PRKCH: variants seen among roughly 807,000 people sequenced by gnomAD.
PRKCH encodes protein kinase C eta type.
In PRKCH, 28 loss-of-function variants were observed where a neutral mutation model predicts 82.5. The ratio of observed to expected loss-of-function variants is 0.34; its 90% CI spans 0.25 to 0.47. The LOEUF (loss-of-function observed/expected upper bound fraction) is 0.47, where lower values mean the gene tolerates loss of function less well. PRKCH is among the 20% of genes least tolerant of loss of function. The probability of loss-of-function intolerance (pLI) is 1.00; values close to 1 mark genes in which losing one functional copy is unlikely to be tolerated. For missense variants in PRKCH, 705 were observed against 881.8 expected (o/e 0.80, Z 2.54); for synonymous variants, 322 against 327.4 (o/e 0.98, Z 0.18).
chr14:61,228,700 A>G (rs1481175037), intron 1 of PRKCH, among the ~76,000 whole-genome samples: 4 of 152,078 alleles, frequency 2.6e-5, no homozygotes, highest in Non-Finnish European at 4.4e-5. Flanking sequence ...TCCTAAGGAA[A>G]GCAGTTCGGG....
At chr14:61,438,022 G>T (rs1444910382) in intron 2 of PRKCH, among the ~76,000 whole-genome samples, 1 of 152,080 alleles carries the variant, frequency 6.6e-6, no homozygotes, top group African/African-American at 2.4e-5. Context: ...TACCTGTCGG[G>T]TACTTCTCTA....
At chr14:61,385,297 G>A (rs1023316126) in intron 1 of PRKCH, among the ~76,000 whole-genome samples, 30 of 150,930 alleles carry the variant, frequency 2.0e-4, no homozygotes, top group East Asian at 3.9e-4. Flanking sequence ...ACTGAGAAGG[G>A]GAGTGAATGA....
At chr14:61,318,020 T>C (rs1467740284), upstream of PRKCH, among the ~76,000 whole-genome samples, 1 of 152,094 alleles carries the variant, frequency 6.6e-6, no homozygotes, top group Non-Finnish European at 1.5e-5. Context: ...ATTGAGCTCT[T>C]CATCCTCCCC....
intron 2 of PRKCH, among the ~76,000 whole-genome samples, chr14:61,409,964 A>G (rs967687712): frequency 1.3e-5 from 2 of 152,174 alleles, no homozygotes; most frequent in African/African-American, 4.8e-5. Flanking sequence ...TTGCCTGTCA[A>G]CTTGGAGTGA....
rs114458470 is a variant in PRKCH, at chr14:61,349,335, C to A, written c.363+26871C>A. On this transcript the variant is annotated intron_variant, in intron 1 of 13. Coordinates refer to ENST00000332981, the MANE Select transcript of PRKCH (RefSeq NM_006255.5). ...TACCAATCCTTAACATTTGTTATTCCAGTTTATCTTCCATCAGTCCTGTTG... is the reference window on the plus strand; with the variant it reads ...TACCAATCCTTAACATTTGTTATTCAAGTTTATCTTCCATCAGTCCTGTTG... 3.6e-3 allele frequency among the ~76,000 whole-genome samples: 554 copies of A among 152,222 alleles called. 3 individuals carry two copies. The highest frequency in any genetic ancestry group is 0.013 in the African/African-American group (525 of 41,528).
At chr14:61,428,076 T>C (rs370766474) in intron 2 of PRKCH, among the ~76,000 whole-genome samples, 2,307 of 126,208 alleles carry the variant, frequency 0.018, 55 homozygotes, top group African/African-American at 0.063. Flanking sequence ...GATAGATAGA[T>C]ACACACACAC....
In PRKCH at chr14:61,453,337, A is replaced by G. The variant is rs749362293; in HGVS notation, c.944A>G (p.Asn315Ser). ...GCAGGGATGGGTCTCCAACCCGGAA[A>G]TATTTCTCCAACCTCGGTGAGACTT... ...TLAGMGLQPGNISPTSKLVSR... is the reference protein window; with the variant it reads ...TLAGMGLQPGSISPTSKLVSR... The change falls in exon 7 of 14, where the codon AAT (asparagine) becomes AGT (serine). Residue 315 changes from asparagine to serine, a missense_variant. Physicochemically the swap from Asn to Ser is conservative, Grantham distance 46. Coordinates refer to ENST00000332981, the MANE Select transcript of PRKCH (RefSeq NM_006255.5). 8 of 1,613,092 alleles carry G rather than the reference A, an allele frequency of 5.0e-6. No homozygotes were observed. Among genetic ancestry groups the G allele is most frequent in the South Asian group, 1.1e-5 (1 of 90,926 alleles).
At chr14:61,433,953 A>G (rs1314285453) in intron 2 of PRKCH, among the ~76,000 whole-genome samples, 2 of 152,244 alleles carry the variant, frequency 1.3e-5, no homozygotes, top group African/African-American at 2.4e-5. Flanking sequence ...TTCCATAGTG[A>G]TCATCATATT....
intron 1 of PRKCH, among the ~76,000 whole-genome samples, chr14:61,371,630 T>C (rs1026384738): frequency 6.6e-6 from 1 of 152,104 alleles, no homozygotes; most frequent in African/African-American, 2.4e-5. Context: ...ATCAATTGCA[T>C]AATTAGCTTT....
chr14:61,517,225 A>G (rs3751289), intron 10 of PRKCH, among the ~76,000 whole-genome samples: 37,761 of 151,980 alleles, frequency 0.25, 5,107 homozygotes, highest in African/African-American at 0.35. Context: ...GTCGTAAAGC[A>G]TTCCTCATCA....
At chr14:61,315,236 T>G (rs1406400530) in intron 1 of PRKCH, among the ~76,000 whole-genome samples, 1 of 152,142 alleles carries the variant, frequency 6.6e-6, no homozygotes, top group Non-Finnish European at 1.5e-5. Context: ...AGTCTCAGTC[T>G]TCCCCTTTGT....
chr14:61,230,126 A>G (rs562901985), intron 1 of PRKCH, among the ~76,000 whole-genome samples: 3 of 152,232 alleles, frequency 2.0e-5, no homozygotes, highest in Non-Finnish European at 4.4e-5. Context: ...TCTCCAAAGC[A>G]AGCCTAGAGT....
At chr14:61,542,808 A>G (rs2043204959) in intron 12 of PRKCH, among the ~76,000 whole-genome samples, 3 of 152,320 alleles carry the variant, frequency 2.0e-5, no homozygotes, top group South Asian at 4.1e-4. Flanking sequence ...CAAAAGAATT[A>G]TGCTGCCACT....
At chr14:61,200,851 G>A (rs527614095) in intron 1 of PRKCH, among the ~76,000 whole-genome samples, 47 of 152,126 alleles carry the variant, frequency 3.1e-4, no homozygotes, top group Admixed American at 1.6e-3. Context: ...GTATGTACAG[G>A]AGAAAACATA....
At chr14:61,469,635 T>C (rs1356622262) in intron 9 of PRKCH, among the ~76,000 whole-genome samples, 1 of 152,200 alleles carries the variant, frequency 6.6e-6, no homozygotes, top group East Asian at 1.9e-4. Context: ...ATCAAAATCA[T>C]ACCCTGTAAT....
intron 1 of PRKCH, chr14:61,187,739 G>GAAA (rs112029104): frequency 6.6e-6 from 1 of 152,022 alleles, no homozygotes; most frequent in African/African-American, 2.4e-5. Flanking sequence ...TTTTCGATCC[G>GAAA]AAAAAAATAC....
intron 12 of PRKCH, among the ~76,000 whole-genome samples, chr14:61,536,879 C>T (rs189782689): frequency 1.3e-3 from 194 of 152,270 alleles, no homozygotes; most frequent in African/African-American, 4.4e-3. Context: ...GCAACACCCC[C>T]GAGGTTGTGG....
chr14:61,463,791 T>C (rs1469778976), intron 9 of PRKCH, among the ~76,000 whole-genome samples: 1 of 152,260 alleles, frequency 6.6e-6, no homozygotes, highest in Non-Finnish European at 1.5e-5. Flanking sequence ...TTGGCTTTAT[T>C]TGATTACACA....
In PRKCH at chr14:61,376,178, A is replaced by G. The variant is rs527608562; in HGVS notation, c.364-15047A>G. Among the ~76,000 whole-genome samples, 7 of 152,130 alleles carry G rather than the reference A, an allele frequency of 4.6e-5. No homozygotes were observed. In the East Asian group the frequency reaches 1.2e-3, roughly 25 times the overall value. On this transcript the variant is annotated intron_variant, in intron 1 of 13. Transcript: ENST00000332981. ...AGATAATGCTGCTTTACTTTTCCTT[A>G]CTCAGAAGGTGGTTGTGAAGGTCTG...
Sources: gnomAD v4.1 joint callset for allele counts (sites outside exome capture counted in the v4.1 genomes callset) on GRCh38, gnomAD v4.1.1 for gene constraint, MANE v1.5 for transcripts, NCBI Gene and HGNC (gene_info 2026-07-23, HGNC 2026-07-21) for gene names.